DMD: variants seen among roughly 807,000 people sequenced by gnomAD.
DMD encodes dystrophin, also known as mutant dystrophin.
A neutral mutation model predicts 330.1 loss-of-function variants in DMD; 63 were observed. That is an observed-to-expected ratio of 0.19 (90% CI 0.16 to 0.24). DMD has a LOEUF of 0.24. Ranked by LOEUF, DMD falls within the 10% of genes least tolerant of loss-of-function variation. The pLI is 1.00. For missense variants in DMD, 3,344 were observed against 2,684.1 expected, an observed-to-expected ratio of 1.25 and a Z score of -5.43; for synonymous variants, 1,223 against 959.8, an observed-to-expected ratio of 1.27 and a Z score of -5.07.
At chrX:32,888,084 C>CT (rs2084843119) in intron 2 of DMD, among the ~76,000 whole-genome samples, 1 of 110,683 alleles carries the variant, frequency 9.0e-6, no homozygotes, top group African/African-American at 3.3e-5. Flanking sequence ...AATAAAAAAG[C>CT]TTTTAAAATA....
intron 13 of DMD, among the ~76,000 whole-genome samples, chrX:32,587,721 G>A (rs1023884842): frequency 1.8e-5 from 2 of 111,327 alleles, no homozygotes; most frequent in African/African-American, 3.3e-5. Flanking sequence ...TCCAGTTTGT[G>A]TTAAATATTA....
At chrX:32,544,270 C>T (rs228367) in intron 17 of DMD, among the ~76,000 whole-genome samples, 34,573 of 110,667 alleles carry the variant, frequency 0.31, 4,383 homozygotes, top group East Asian at 0.54. Flanking sequence ...TGAATAACTT[C>T]TCTAGATTTA....
chrX:32,712,040 T>A (rs2065235972), intron 7 of DMD, among the ~76,000 whole-genome samples: 1 of 112,050 alleles, frequency 8.9e-6, no homozygotes, highest in Non-Finnish European at 1.9e-5. Flanking sequence ...TGGCATAAAG[T>A]ATGTTTTCAG....
At chrX:31,829,801 G>A (rs769126060) in intron 49 of DMD, among the ~76,000 whole-genome samples, 107 of 111,836 alleles carry the variant, frequency 9.6e-4, no homozygotes, top group African/African-American at 3.3e-3. Flanking sequence ...CTCTACCTAC[G>A]GCTGTATATA....
intron 7 of DMD, among the ~76,000 whole-genome samples, chrX:32,797,942 A>G (rs2076291556): frequency 1.8e-5 from 2 of 112,024 alleles, no homozygotes; most frequent in African/African-American, 6.5e-5. Context: ...CACATCTTCA[A>G]TCGCATGATT....
At chrX:31,561,072 C>A (rs759883843) in intron 55 of DMD, among the ~76,000 whole-genome samples, 2 of 112,027 alleles carry the variant, frequency 1.8e-5, no homozygotes, top group African/African-American at 6.5e-5. Flanking sequence ...TTAGACACGG[C>A]CCAGCATGAA....
At chrX:31,491,661 T>C (rs2069315654) in intron 57 of DMD, among the ~76,000 whole-genome samples, 1 of 111,724 alleles carries the variant, frequency 9.0e-6, no homozygotes, top group Admixed American at 9.5e-5. Flanking sequence ...GGAGCACAGA[T>C]CTACTCCCAT....
chrX:31,922,808 G>A (rs6527133), intron 47 of DMD, among the ~76,000 whole-genome samples: 26,286 of 111,155 alleles, frequency 0.24, 2,356 homozygotes, highest in Non-Finnish European at 0.28. Flanking sequence ...AAAGTTAAAT[G>A]TCACGTATTC....
intron 62 of DMD, among the ~76,000 whole-genome samples, chrX:31,284,048 C>CTTT (rs2052833406): frequency 8.9e-6 from 1 of 112,299 alleles, no homozygotes; most frequent in Non-Finnish European, 1.9e-5. Flanking sequence ...TAAACTTACT[C>CTTT]AGAACACTTA....
intron 1 of DMD, among the ~76,000 whole-genome samples, chrX:33,262,638 T>C (rs1321891653): frequency 1.8e-5 from 2 of 111,040 alleles, no homozygotes; most frequent in Non-Finnish European, 3.8e-5. Flanking sequence ...CTAATGTACA[T>C]GTATATACTA....
intron 55 of DMD, among the ~76,000 whole-genome samples, chrX:31,561,535 G>A (rs2075199458): frequency 8.9e-6 from 1 of 111,922 alleles, no homozygotes; most frequent in African/African-American, 3.2e-5. Context: ...ACAGACTCAA[G>A]TTTACCATTA....
At chrX:31,909,899 T>A (rs752249926) in intron 47 of DMD, among the ~76,000 whole-genome samples, 1 of 99,682 alleles carries the variant, frequency 1.0e-5, no homozygotes, top group South Asian at 3.6e-4. Context: ...GAGATTTTTA[T>A]TTTTTCTTTC....
intron 52 of DMD, among the ~76,000 whole-genome samples, chrX:31,719,951 T>C (rs1175191119): frequency 9.0e-6 from 1 of 111,670 alleles, no homozygotes; most frequent in Non-Finnish European, 1.9e-5. Context: ...TCATGAGTGA[T>C]CGTGAGACAG....
chrX:32,399,273 C>T (rs999011122), intron 30 of DMD, among the ~76,000 whole-genome samples: 15 of 111,221 alleles, frequency 1.3e-4, no homozygotes, highest in Admixed American at 3.8e-4. Context: ...CACAACAAAG[C>T]ATACAACCCA....
At chrX:31,622,368 GA>G (rs1351289771) in intron 55 of DMD, among the ~76,000 whole-genome samples, 1 of 109,638 alleles carries the variant, frequency 9.1e-6, no homozygotes, top group African/African-American at 3.3e-5. Flanking sequence ...GAACAATATT[GA>G]AACTTACTTA....
intron 74 of DMD, among the ~76,000 whole-genome samples, chrX:31,150,089 T>G (rs941483644): frequency 8.9e-6 from 1 of 112,025 alleles, no homozygotes; most frequent in African/African-American, 3.2e-5. Context: ...ATTGTCCATA[T>G]CTTTATTAAT....
At chrX:31,216,049 G>T (rs2045373426) in intron 64 of DMD, among the ~76,000 whole-genome samples, 2 of 112,677 alleles carry the variant, frequency 1.8e-5, no homozygotes, top group South Asian at 7.4e-4. Context: ...GGGCCAAGGG[G>T]CATGAATCCA....
At chrX:31,467,201 G>A (rs760863778) in intron 59 of DMD, among the ~76,000 whole-genome samples, 4 of 111,373 alleles carry the variant, frequency 3.6e-5, no homozygotes, top group African/African-American at 1.3e-4. Flanking sequence ...CCAATATTAT[G>A]TTGAATACGA....
intron 30 of DMD, among the ~76,000 whole-genome samples, chrX:32,399,678 C>T (rs764835192): frequency 1.8e-5 from 2 of 111,098 alleles, no homozygotes; most frequent in Admixed American, 1.9e-4. Context: ...TTTTGAGATT[C>T]CTCAAAAAAC....
Sources: gnomAD v4.1 joint callset for allele counts (sites outside exome capture counted in the v4.1 genomes callset) on GRCh38, gnomAD v4.1.1 for gene constraint, MANE v1.5 for transcripts, NCBI Gene and HGNC (gene_info 2026-07-23, HGNC 2026-07-21) for gene names.